The following PHF21A variants were observed in gnomAD, a reference collection of about 807,000 sequenced individuals.
PHF21A encodes PHD finger protein 21A.
PHF21A carries 11 observed loss-of-function variants against 82.5 expected under a neutral mutation model. That is an observed-to-expected ratio of 0.13 (90% CI 0.08 to 0.22). PHF21A has a LOEUF of 0.22. Ranked by LOEUF, PHF21A falls within the 10% of genes least tolerant of loss-of-function variation. PHF21A has a pLI of 1.00. For synonymous variants in PHF21A, 297 were observed against 302.8 expected (o/e 0.98, Z 0.20); for missense variants, 579 against 837.8 (o/e 0.69, Z 3.81).
chr11:46,084,053 C>G (rs193302389), intron 4 of PHF21A, 113 bp downstream of exon 4: 50 of 753,698 alleles, frequency 6.6e-5, no homozygotes, highest in Non-Finnish European at 9.8e-5. Flanking sequence ...GACTCTTGGA[C>G]AAAATTGTCT....
chr11:45,977,367 C>G (rs1177564825), intron 7 of PHF21A, among the ~76,000 whole-genome samples: 1 of 151,996 alleles, frequency 6.6e-6, no homozygotes, highest in Non-Finnish European at 1.5e-5. Context: ...AAACTCCTGA[C>G]CTAAAGTGAT....
At chr11:46,099,562 A>ACACACACACACACACC (rs1228299404) in intron 1 of PHF21A, among the ~76,000 whole-genome samples, 2 of 145,922 alleles carry the variant, frequency 1.4e-5, no homozygotes, top group Non-Finnish European at 3.0e-5. Context: ...ACACACACAC[A>ACACACACACACACACC]CCCTAAACAC....
chr11:45,945,327 G>A (rs892867170), intron 15 of PHF21A, among the ~76,000 whole-genome samples: 3 of 152,174 alleles, frequency 2.0e-5, no homozygotes, highest in Non-Finnish European at 4.4e-5. Context: ...CTAAGTATTT[G>A]ACAGTTTTTC....
At chr11:45,948,136 T>C (rs2091562787) in intron 14 of PHF21A, among the ~76,000 whole-genome samples, 1 of 152,230 alleles carries the variant, frequency 6.6e-6, no homozygotes, top group South Asian at 2.1e-4. Context: ...GAAAAGGATC[T>C]TGGGATGTAT....
At chr11:45,998,262 C>T (rs553396396) in intron 6 of PHF21A, among the ~76,000 whole-genome samples, 2 of 152,318 alleles carry the variant, frequency 1.3e-5, no homozygotes, top group South Asian at 4.1e-4. Context: ...GAGTCATCCA[C>T]AAATATCAAT....
At chr11:45,958,549 C>T (rs928710278) in intron 10 of PHF21A, among the ~76,000 whole-genome samples, 11 of 147,468 alleles carry the variant, frequency 7.5e-5, no homozygotes, top group Non-Finnish European at 1.5e-4. Flanking sequence ...TCACTTGAGC[C>T]GAAATCATGC....
At position 46,111,931 on chromosome 11, in the gene PHF21A, A is replaced by C. The variant is rs1206896553; in HGVS notation, c.-237+9004T>G. Among the ~76,000 whole-genome samples, 5 of 152,348 alleles carry C rather than the reference A, an allele frequency of 3.3e-5. No homozygotes were observed. The South Asian group carries it at 8.3e-4, about 25-fold the overall frequency. ...CTTCTAAACACAACAGAATTTTTCC[A>C]AGGTTACATACACTGTAACAAAAGG... On this transcript the variant is annotated intron_variant, in intron 1 of 18. Coordinates refer to ENST00000676320, the MANE Select transcript of PHF21A (RefSeq NM_001352027.3).
In PHF21A at chr11:46,014,787, C is replaced by T. The variant is rs1291270530; in HGVS notation, c.154-34821G>A. ...CGAGGTCAGGAGATCGAGACCATCCCGGCTAAAACGGTGAAACCCCGTCTC... is the reference window on the plus strand; with the variant it reads ...CGAGGTCAGGAGATCGAGACCATCCTGGCTAAAACGGTGAAACCCCGTCTC... On this transcript the variant is annotated intron_variant, in intron 6 of 18. Transcript: ENST00000676320. 1.0e-4 allele frequency among the ~76,000 whole-genome samples: 6 copies of T among 60,050 alleles called. 2 individuals are homozygous for T. Among genetic ancestry groups the T allele is most frequent in the Admixed American group, 3.3e-4 (2 of 6,020 alleles). 39.4% of individuals were successfully genotyped at this position (60,050 alleles called of 152,430 possible). A position where few individuals can be genotyped will look rare whatever the true frequency, so the allele number is the denominator to read the frequency against.
At chr11:45,965,251 C>G in intron 10 of PHF21A, 64 bp downstream of exon 10, 2 of 1,389,254 alleles carry the variant, frequency 1.4e-6, no homozygotes, top group Non-Finnish European at 2.0e-6. Context: ...TTAGAGAAAG[C>G]CCAGCAGCCA....
At chr11:46,054,183 A>G (rs954744909) in intron 6 of PHF21A, among the ~76,000 whole-genome samples, 1 of 152,230 alleles carries the variant, frequency 6.6e-6, no homozygotes, top group Non-Finnish European at 1.5e-5. Flanking sequence ...ATAGTCAGAG[A>G]AGAATTTCAA....
intron 6 of PHF21A, 99 bp from the exon 7 acceptor site, chr11:45,980,065 C>T (rs1371101851): frequency 3.3e-6 from 5 of 1,535,008 alleles, no homozygotes; most frequent in Non-Finnish European, 4.4e-6. Context: ...ATAGCTTCAT[C>T]TAAAACTTAT....
chr11:46,059,136 T>C (rs2096498749), intron 6 of PHF21A, among the ~76,000 whole-genome samples: 1 of 152,174 alleles, frequency 6.6e-6, no homozygotes, highest in African/African-American at 2.4e-5. Context: ...ATCTGATTTT[T>C]TTTACTTCTA....
At chr11:45,972,824 G>C (rs1591446603) in intron 7 of PHF21A, among the ~76,000 whole-genome samples, 2 of 152,174 alleles carry the variant, frequency 1.3e-5, no homozygotes, top group Admixed American at 6.5e-5. Flanking sequence ...TGAGGCAAGA[G>C]AATTGCTTGA....
intron 6 of PHF21A, chr11:46,026,664 G>A (rs1368007508): frequency 6.6e-6 from 1 of 152,092 alleles, no homozygotes; most frequent in Non-Finnish European, 1.5e-5. Context: ...GTCAAGCAGT[G>A]GAATTAACAT....
rs772685816 is a variant in PHF21A at position 45,965,545 on chromosome 11, C to T, written c.766G>A (p.Ala256Thr). Residue 256 changes from alanine to threonine, a missense_variant, in exon 10 of 19, where the codon GCA (alanine) becomes ACA (threonine). Physicochemically the swap from Ala to Thr is moderately conservative, Grantham distance 58 (BLOSUM62 0). Around this residue, in one of 3 missense-constraint regions of PHF21A, gnomAD observed 410 missense variants for 642.1 expected, o/e 0.64. Coordinates refer to ENST00000676320, the MANE Select transcript of PHF21A (RefSeq NM_001352027.3). ...GGCCTCTGGATAAGCTGAGGAGCTGCGAGCATGGGAGGTGGTGCTGGGGCA... is the reference window on the plus strand; with the variant it reads ...GGCCTCTGGATAAGCTGAGGAGCTGTGAGCATGGGAGGTGGTGCTGGGGCA... ...PIAPAPPPMLAAPQLIQRPVM... is the reference protein window; with the variant it reads ...PIAPAPPPMLTAPQLIQRPVM... The T allele has an allele frequency of 5.6e-6, 9 of 1,596,948 alleles. No individual in the cohort carries two copies. Among genetic ancestry groups the T allele is most frequent in the Admixed American group, 3.4e-5 (2 of 59,164 alleles).
chr11:46,044,554 C>G (rs2096223909), intron 6 of PHF21A, among the ~76,000 whole-genome samples: 1 of 152,108 alleles, frequency 6.6e-6, no homozygotes, highest in South Asian at 2.1e-4. Context: ...ACTTCTCTTA[C>G]TCTTTCGGGC....
Position 46,046,061 on chromosome 11 carries a change from T to C in PHF21A, c.153+30693A>G, listed in dbSNP as rs191351717. 2.0e-5 allele frequency among the ~76,000 whole-genome samples: 3 copies of C among 152,356 alleles called. No individual in the cohort carries two copies. The East Asian group carries it at 5.8e-4, about 29-fold the overall frequency. ...ATGCAATTCTCAGCTTTGTGAGCTC[T>C]GGCATTCAGCTAGCCAGATTACCAA... On this transcript the variant is annotated intron_variant, in intron 6 of 18. Transcript: ENST00000676320.
chr11:45,970,261 G>T, intron 8 of PHF21A: 1 of 247,590 alleles, frequency 4.0e-6, no homozygotes, highest in South Asian at 4.7e-5. Context: ...AGCCAAATAG[G>T]CTTTTTCCTG....
intron 16 of PHF21A, 29 bp downstream of exon 16, chr11:45,938,128 C>T: frequency 6.5e-7 from 1 of 1,531,976 alleles, no homozygotes; most frequent in Admixed American, 2.0e-5. Context: ...CCTCCTCGGC[C>T]CCTCCCCTGT....
Sources: gnomAD v4.1 joint callset for allele counts (sites outside exome capture counted in the v4.1 genomes callset) on GRCh38, gnomAD v4.1.1 for gene constraint, gnomAD v4.1.1 regional missense constraint, MANE v1.5 for transcripts, NCBI Gene and HGNC (gene_info 2026-07-23, HGNC 2026-07-21) for gene names.